Variants in PRKCZ observed in about 807,000 individuals in gnomAD.
PRKCZ encodes protein kinase C zeta, also known as protein kinase C zeta type.
In PRKCZ, 33 loss-of-function variants were observed where a neutral mutation model predicts 79.5. The ratio of observed to expected loss-of-function variants is 0.41; its 90% CI spans 0.31 to 0.55. The LOEUF is 0.55. Among genes scored for constraint, PRKCZ ranks in the 20% least tolerant of loss-of-function variants. The pLI is 0.19. For missense variants in PRKCZ, 578 were observed against 813.5 expected (o/e 0.71, Z 3.52); for synonymous variants, 342 against 320.9 (o/e 1.07, Z -0.70).
At chr1:2,179,549 C>T (rs1384492376) in intron 16 of PRKCZ, among the ~76,000 whole-genome samples, 1 of 152,248 alleles carries the variant, frequency 6.6e-6, no homozygotes, top group African/African-American at 2.4e-5. Context: ...GGTGAGTTAA[C>T]AGCTGAGCCA....
chr1:2,104,074 G>A (rs1191106069), intron 4 of PRKCZ, among the ~76,000 whole-genome samples: 1 of 152,152 alleles, frequency 6.6e-6, no homozygotes, highest in East Asian at 1.9e-4. Context: ...GAGCAGGGGA[G>A]GGGGGTCTTC....
chr1:2,140,867 C>T (rs943588381), intron 5 of PRKCZ, among the ~76,000 whole-genome samples: 3 of 152,172 alleles, frequency 2.0e-5, no homozygotes, highest in African/African-American at 7.2e-5. Context: ...ACTCAGGAGG[C>T]TGAGACAGGA....
intron 10 of PRKCZ, among the ~76,000 whole-genome samples, chr1:2,160,238 C>CGCGCGTGTGTGTGTGTGTGT (rs71578361): frequency 1.4e-4 from 20 of 146,466 alleles, no homozygotes; most frequent in African/African-American, 4.9e-4. Context: ...CAGCAGTGTG[C>CGCGCGTGTGTGTGTGTGTGT]GTGTGTGTGT....
At chr1:2,148,440 CATCT>C (rs1377554890) in intron 7 of PRKCZ, among the ~76,000 whole-genome samples, 2 of 151,664 alleles carry the variant, frequency 1.3e-5, no homozygotes, top group Non-Finnish European at 2.9e-5. Context: ...TCTATCCATC[CATCT>C]ATTGTCCACT....
intron 16 of PRKCZ, 69 bp downstream of exon 16, chr1:2,175,382 C>G: frequency 7.9e-7 from 1 of 1,270,928 alleles, no homozygotes; most frequent in African/African-American, 1.5e-5. Flanking sequence ...AACCCCCATC[C>G]CAACCCCAAC....
At chr1:2,159,672 G>A (rs901438380) in intron 10 of PRKCZ, among the ~76,000 whole-genome samples, 1 of 152,220 alleles carries the variant, frequency 6.6e-6, no homozygotes, top group African/African-American at 2.4e-5. Flanking sequence ...ATTCCTGAAT[G>A]TTACAGTTCA....
In PRKCZ at chr1:2,135,313, A is replaced by G; in HGVS notation, c.386A>G (p.Asn129Ser). ...ARRWRKLYRA[N>S]GHLFQAKRFN... Reference sequence around the variant, plus strand: ...AGATGGAGGAAGCTGTACCGTGCCAACGGCCACCTCTTCCAAGCCAAGCGC... The same window carrying G: ...AGATGGAGGAAGCTGTACCGTGCCAGCGGCCACCTCTTCCAAGCCAAGCGC... Residue 129 changes from asparagine (N) to serine (S), a missense_variant, in exon 5 of 18, where the codon AAC (asparagine) becomes AGC (serine). Physicochemically the swap from Asn to Ser is conservative, Grantham distance 46. Coordinates refer to ENST00000378567, the MANE Select transcript of PRKCZ (RefSeq NM_002744.6). 6.2e-7 allele frequency: 1 copy of G among 1,613,428 alleles called. No homozygotes were observed. Among genetic ancestry groups the G allele is most frequent in the Non-Finnish European group, 8.5e-7 (1 of 1,179,824 alleles).
chr1:2,083,969 C>T (rs1254419924), intron 4 of PRKCZ, among the ~76,000 whole-genome samples: 6 of 152,200 alleles, frequency 3.9e-5, no homozygotes, highest in African/African-American at 4.8e-5. Context: ...CGGTGGCTCA[C>T]GCCTGTAGTC....
intron 4 of PRKCZ, among the ~76,000 whole-genome samples, chr1:2,119,131 T>C (rs375552146): frequency 6.6e-6 from 1 of 152,188 alleles, no homozygotes; most frequent in African/African-American, 2.4e-5. Flanking sequence ...TTAGAAATTA[T>C]GAGTCACATC....
rs1010237984 is a variant in PRKCZ at position 2,106,993 on chromosome 1, C to T, written c.335-28269C>T. Among the ~76,000 whole-genome samples the T allele has an allele frequency of 7.4e-5, 11 of 148,448 alleles. No individual in the cohort carries two copies. In the East Asian group the frequency reaches 2.1e-3, roughly 29 times the overall value. On this transcript the variant is annotated intron_variant, in intron 4 of 17. Transcript: ENST00000378567. ...CGTTAGCACAGGAGTCACTTGACTT[C>T]ACCAAACGCAGCCAGGATTGCGGTT...
At chr1:2,115,327 G>A (rs1005960454) in intron 4 of PRKCZ, among the ~76,000 whole-genome samples, 2 of 152,202 alleles carry the variant, frequency 1.3e-5, no homozygotes, top group Admixed American at 6.5e-5. Flanking sequence ...ACAGACATCC[G>A]AGCGCCTTCT....
In PRKCZ at chr1:2,173,447, C is replaced by G. The variant is rs138373719; in HGVS notation, c.1286-450C>G. 6.6e-6 allele frequency among the ~76,000 whole-genome samples: 1 copy of G among 152,168 alleles called. No homozygotes were observed. The highest frequency in any genetic ancestry group is 2.4e-5 in the African/African-American group (1 of 41,432). On this transcript the variant is annotated intron_variant, in intron 13 of 17. Transcript: ENST00000378567. The surrounding 1 kb of genome is among the most constrained non-coding windows in gnomAD (Gnocchi z 5.7). ...GGGTCAGGGTCTCCCACCCCTCATT[C>G]GCTGGAACACATTCCCAACAGGTTG... is the stretch of plus-strand genomic sequence containing the variant.
chr1:2,174,625 G>T lies in PRKCZ; in HGVS notation c.1406-129G>T. 1.2e-6 allele frequency: 1 copy of T among 854,146 alleles called. No individual in the cohort carries two copies. The highest frequency in any genetic ancestry group is 1.6e-5 in the South Asian group (1 of 64,178). The allele number at this position is 854,146 out of a possible 1,614,324, so 52.9% of individuals were successfully genotyped here. A position where few individuals can be genotyped will look rare whatever the true frequency, so the allele number is the denominator to read the frequency against. The stretch of plus-strand genomic sequence containing the variant: ...TCCGGGTTATAGATATTGCTGGGCT[G>T]TAGGAAGGGAGGGGCTCCGGGGCCC... On this transcript the variant is annotated intron_variant, in intron 14 of 17. Coordinates refer to ENST00000378567, the MANE Select transcript of PRKCZ (RefSeq NM_002744.6). The surrounding 1 kb of genome is among the most constrained non-coding windows in gnomAD (Gnocchi z 6.2).
In PRKCZ at chr1:2,115,094, G is replaced by A. The variant is rs573176373; in HGVS notation, c.335-20168G>A. On this transcript the variant is annotated intron_variant, in intron 4 of 17. Transcript: ENST00000378567. ...TAACCTACCCGTCCCCGGCCTTGGT[G>A]CCTGCAGATAGTTTTGCTTGTTTCG... is the stretch of plus-strand genomic sequence containing the variant. Among the ~76,000 whole-genome samples the A allele has an allele frequency of 5.3e-4, 81 of 152,374 alleles. 1 individual carries two copies. In the Middle Eastern group the frequency reaches 0.01, roughly 19 times the overall value.
chr1:2,148,130 C>T (rs1305807682), intron 7 of PRKCZ, among the ~76,000 whole-genome samples: 1 of 148,422 alleles, frequency 6.7e-6, no homozygotes, highest in Non-Finnish European at 1.5e-5. Context: ...CCACTGACGT[C>T]TCCATCTATC....
At chr1:2,109,024 C>G (rs1007174701) in intron 4 of PRKCZ, among the ~76,000 whole-genome samples, 1 of 152,188 alleles carries the variant, frequency 6.6e-6, no homozygotes, top group Non-Finnish European at 1.5e-5. Flanking sequence ...GTCACCGCCT[C>G]TGATACAGCC....
At chr1:2,102,525 G>T (rs928272042) in intron 4 of PRKCZ, among the ~76,000 whole-genome samples, 6 of 151,748 alleles carry the variant, frequency 4.0e-5, no homozygotes, top group Non-Finnish European at 7.4e-5. Context: ...GTAGAGATGG[G>T]GTTTCACTGT....
chr1:2,101,387 C>T (rs749462305), intron 4 of PRKCZ, among the ~76,000 whole-genome samples: 8 of 152,228 alleles, frequency 5.3e-5, no homozygotes, highest in African/African-American at 9.6e-5. Context: ...TGATGTCCCC[C>T]GGCCCCCAGC....
intron 4 of PRKCZ, among the ~76,000 whole-genome samples, chr1:2,092,816 C>T (rs958448535): frequency 3.3e-5 from 5 of 152,206 alleles, no homozygotes; most frequent in African/African-American, 9.7e-5. Flanking sequence ...GAGGAGGGGC[C>T]AGGTGGACCC....
Sources: allele counts gnomAD v4.1 joint callset (sites outside exome capture counted in the v4.1 genomes callset), GRCh38; gene constraint gnomAD v4.1.1; non-coding constraint Gnocchi (gnomAD v3.1); transcripts MANE v1.5; gene names NCBI Gene and HGNC (gene_info 2026-07-23, HGNC 2026-07-21).